Variants in PDSS2 observed in about 807,000 individuals in gnomAD.
PDSS2 encodes all trans-polyprenyl-diphosphate synthase PDSS2.
PDSS2 carries 31 observed loss-of-function variants against 44.5 expected under a neutral mutation model. The ratio of observed to expected loss-of-function variants is 0.70; its 90% CI spans 0.52 to 0.94. The LOEUF is 0.94. PDSS2 is among the 40% of genes least tolerant of loss of function. The pLI, the probability that PDSS2 is intolerant of heterozygous loss-of-function variation, is 0.00. For missense variants in PDSS2, 452 were observed against 482.2 expected (o/e 0.94, Z 0.59); for synonymous variants, 157 against 180.3 (o/e 0.87, Z 1.03).
At chr6:107,295,405 G>A (rs1257920303) in intron 2 of PDSS2, among the ~76,000 whole-genome samples, 2 of 152,116 alleles carry the variant, frequency 1.3e-5, no homozygotes, top group African/African-American at 4.8e-5. Context: ...TTCATTGATC[G>A]CTGAATTCAA....
chr6:107,248,930 A>T (rs894929954), intron 3 of PDSS2, among the ~76,000 whole-genome samples: 2 of 152,216 alleles, frequency 1.3e-5, no homozygotes, highest in African/African-American at 4.8e-5. Context: ...ACCTAGAATT[A>T]TAATAAAACA....
intron 1 of PDSS2, among the ~76,000 whole-genome samples, chr6:107,369,612 A>G (rs1779069933): frequency 6.6e-6 from 1 of 152,106 alleles, no homozygotes. Context: ...CTTTGTTGTA[A>G]AGGATTGTCC....
At chr6:107,381,114 T>C (rs1583015374) in intron 1 of PDSS2, among the ~76,000 whole-genome samples, 1 of 152,182 alleles carries the variant, frequency 6.6e-6, no homozygotes, top group Admixed American at 6.5e-5. Flanking sequence ...CTTGTTTGCC[T>C]GGCCAGCTGC....
At chr6:107,243,626 C>G (rs918420879) in intron 4 of PDSS2, among the ~76,000 whole-genome samples, 2 of 152,168 alleles carry the variant, frequency 1.3e-5, no homozygotes, top group Non-Finnish European at 2.9e-5. Flanking sequence ...CTATAATTAT[C>G]ATAGAGTGGG....
chr6:107,185,583 C>G lies in PDSS2; in HGVS notation c.1041+8239G>C, dbSNP rs77965719. On this transcript the variant is annotated intron_variant, in intron 7 of 7. Coordinates refer to ENST00000369037, the MANE Select transcript of PDSS2 (RefSeq NM_020381.4). ...TTTCAAGTAGCAGTAGGCTAAACTA[C>G]AGGCATACGCTCAGCTCCAGCTGGG... Among the ~76,000 whole-genome samples, 925 of 152,334 alleles carry G rather than the reference C, an allele frequency of 6.1e-3. 9 individuals are homozygous for G. Among genetic ancestry groups the G allele is most frequent in the African/African-American group, 0.021 (891 of 41,570 alleles).
At chr6:107,359,018 T>G (rs1364148952) in intron 1 of PDSS2, among the ~76,000 whole-genome samples, 1 of 146,810 alleles carries the variant, frequency 6.8e-6, no homozygotes, top group East Asian at 2.0e-4. Flanking sequence ...TTTTTTTTTT[T>G]TTTTTTTTTT....
chr6:107,289,387 G>A (rs1283320050), intron 2 of PDSS2, among the ~76,000 whole-genome samples: 30 of 128,568 alleles, frequency 2.3e-4, no homozygotes, highest in African/African-American at 8.2e-4. Context: ...AAAAAAAAAA[G>A]AAAGAAAGAA....
At chr6:107,239,964 G>A (rs1336010431) in intron 4 of PDSS2, among the ~76,000 whole-genome samples, 1 of 151,974 alleles carries the variant, frequency 6.6e-6, no homozygotes, top group African/African-American at 2.4e-5. Flanking sequence ...CAGAAAATAA[G>A]TTAAAATGAT....
chr6:107,451,839 T>C (rs1385863177), intron 1 of PDSS2, among the ~76,000 whole-genome samples: 1 of 152,194 alleles, frequency 6.6e-6, no homozygotes, highest in African/African-American at 2.4e-5. Flanking sequence ...TTGTCTTTTC[T>C]CATTCCTTTG....
chr6:107,456,897 A>C (rs531973886), intron 1 of PDSS2, among the ~76,000 whole-genome samples: 1 of 152,166 alleles, frequency 6.6e-6, no homozygotes, highest in South Asian at 2.1e-4. Context: ...GGAGTCAGGG[A>C]GATGGACTGA....
chr6:107,378,032 A>T (rs1039844337), intron 1 of PDSS2, among the ~76,000 whole-genome samples: 7 of 150,890 alleles, frequency 4.6e-5, no homozygotes, highest in Non-Finnish European at 7.4e-5. Context: ...AACTTAAAGT[A>T]TAATAATAAT....
chr6:107,451,140 A>C (rs1781853571), intron 1 of PDSS2, among the ~76,000 whole-genome samples: 1 of 152,174 alleles, frequency 6.6e-6, no homozygotes, highest in African/African-American at 2.4e-5. Context: ...TCGTATGTTT[A>C]ATTTTATAAG....
In PDSS2 at chr6:107,339,699, G is replaced by GA. The variant is rs149602047; in HGVS notation, c.297-5368dup. ...GTGATGACTGAGTTGATATCCAAAG[G>GA]AAAAAAAGGGGGAGTGGGAAGGAAA... On this transcript the variant is annotated intron_variant, in intron 1 of 7. Transcript: ENST00000369037. Among the ~76,000 whole-genome samples, 1,956 of 151,598 alleles carry GA rather than the reference G, an allele frequency of 0.013. 120 individuals are homozygous for GA. In the East Asian group the frequency reaches 0.2, roughly 15 times the overall value.
At chr6:107,408,260 C>T (rs1034430357) in intron 1 of PDSS2, among the ~76,000 whole-genome samples, 6 of 151,806 alleles carry the variant, frequency 4.0e-5, no homozygotes, top group Non-Finnish European at 7.4e-5. Flanking sequence ...GAACGCCTGA[C>T]CCCAAGCTTC....
intron 1 of PDSS2, among the ~76,000 whole-genome samples, chr6:107,423,810 T>C (rs1016958845): frequency 1.3e-5 from 2 of 152,160 alleles, no homozygotes; most frequent in Non-Finnish European, 2.9e-5. Context: ...CTCCTCTTCC[T>C]GATTTCCACA....
intron 6 of PDSS2, among the ~76,000 whole-genome samples, chr6:107,205,969 G>A (rs1772960647): frequency 6.6e-6 from 1 of 152,182 alleles, no homozygotes; most frequent in African/African-American, 2.4e-5. Context: ...AAACCTGCCT[G>A]GGCAGAGTAA....
Position 107,333,288 on chromosome 6 carries a change from C to A in PDSS2, c.431+910G>T, listed in dbSNP as rs541231173. Among the ~76,000 whole-genome samples the A allele has an allele frequency of 3.3e-5, 5 of 152,168 alleles. No homozygotes were observed. In the East Asian group the frequency reaches 9.7e-4, roughly 29 times the overall value. On this transcript the variant is annotated intron_variant, in intron 2 of 7. Coordinates refer to ENST00000369037, the MANE Select transcript of PDSS2 (RefSeq NM_020381.4). ...TTTTAATACAGTGCCAAGCATATTGCTAGAATTAAGTAAAATTATTGCTGA... is the reference window on the plus strand; with the variant it reads ...TTTTAATACAGTGCCAAGCATATTGATAGAATTAAGTAAAATTATTGCTGA...
At chr6:107,402,407 A>C (rs1780136713) in intron 1 of PDSS2, among the ~76,000 whole-genome samples, 1 of 29,284 alleles carries the variant, frequency 3.4e-5, no homozygotes, top group African/African-American at 1.2e-4. Flanking sequence ...CTCACAATAA[A>C]GATATACCAG....
At chr6:107,443,605 A>G (rs912469694) in intron 1 of PDSS2, among the ~76,000 whole-genome samples, 2 of 152,224 alleles carry the variant, frequency 1.3e-5, no homozygotes, top group Non-Finnish European at 2.9e-5. Context: ...ATACTCTATC[A>G]TGGCAGAAGC....
Sources: allele counts gnomAD v4.1 joint callset (sites outside exome capture counted in the v4.1 genomes callset), GRCh38; gene constraint gnomAD v4.1.1; transcripts MANE v1.5; gene names NCBI Gene and HGNC (gene_info 2026-07-23, HGNC 2026-07-21).